Variants in ABRAXAS1 observed in about 807,000 individuals in gnomAD.
The protein encoded by ABRAXAS1 is abraxas 1, BRCA1 A complex subunit.
A neutral mutation model predicts 38.4 loss-of-function variants in ABRAXAS1; 26 were observed. The ratio of observed to expected loss-of-function variants is 0.68; its 90% CI spans 0.50 to 0.94. The LOEUF (loss-of-function observed/expected upper bound fraction) is 0.94, where lower values mean the gene tolerates loss of function less well. Ranked by LOEUF, ABRAXAS1 falls within the 40% of genes least tolerant of loss-of-function variation. The pLI, the probability that ABRAXAS1 is intolerant of heterozygous loss-of-function variation, is 0.00. For synonymous variants in ABRAXAS1, 144 were observed against 165.5 expected, an observed-to-expected ratio of 0.87 and a Z score of 1.00; for missense variants, 438 against 481.9, an observed-to-expected ratio of 0.91 and a Z score of 0.85.
chr4:83,485,023 G>T lies in ABRAXAS1; in HGVS notation c.50C>A (p.Ala17Glu). 1 of 1,596,188 alleles carries T rather than the reference G, an allele frequency of 6.3e-7. No individual in the cohort carries two copies. The highest frequency in any genetic ancestry group is 8.5e-7 in the Non-Finnish European group (1 of 1,172,068). ...CGTGTTGAGGTGCTGGAAAGCGAGT[G>T]CGCCGAGCACAAAGCCCGAGAGCAC... ...SAVLSGFVLG[A>E]LAFQHLNTDS... Residue 17 changes from alanine (A) to glutamate (E), a missense_variant, in exon 1 of 9, where the codon GCA (alanine) becomes GAA (glutamate). Around this residue, in one of 3 missense-constraint regions of ABRAXAS1, gnomAD observed 60 missense variants for 31.1 expected, o/e 1.93. Coordinates refer to ENST00000321945, the MANE Select transcript of ABRAXAS1 (RefSeq NM_139076.3).
chr4:83,467,254 T>C (rs1722398533), intron 7 of ABRAXAS1, 200 bp downstream of exon 7: 3 of 441,976 alleles, frequency 6.8e-6, no homozygotes, highest in Non-Finnish European at 1.2e-5. Flanking sequence ...TAAAAATACA[T>C]ATAGGTTTGT....
chr4:83,481,665 AC>A (rs1723003818), intron 2 of ABRAXAS1, among the ~76,000 whole-genome samples: 1 of 152,148 alleles, frequency 6.6e-6, no homozygotes, highest in Non-Finnish European at 1.5e-5. Context: ...ACTATTTCTT[AC>A]TTTAGACCAG....
Position 83,460,130 on chromosome 4 carries a change from T to C in ABRAXAS1, c.*2339A>G, listed in dbSNP as rs1355519710. The C allele has an allele frequency of 3.4e-5, 6 of 177,462 alleles. No homozygotes were observed. The highest frequency in any genetic ancestry group is 5.8e-5 in the Non-Finnish European group (5 of 85,486). 11.0% of individuals were successfully genotyped at this position (177,462 alleles called of 1,614,324 possible). A position where few individuals can be genotyped will look rare whatever the true frequency, so the allele number is the denominator to read the frequency against. On this transcript the variant is annotated 3_prime_UTR_variant, in exon 9 of 9. Coordinates refer to ENST00000321945, the MANE Select transcript of ABRAXAS1 (RefSeq NM_139076.3). ...GGCCAAATTCGACCTGCTCCCTTTT[T>C]ATCTTGATTAGGTTCATCATATACA... is the stretch of plus-strand genomic sequence containing the variant.
chr4:83,466,086 A>G (rs1722342234), intron 7 of ABRAXAS1, among the ~76,000 whole-genome samples: 1 of 152,152 alleles, frequency 6.6e-6, no homozygotes, highest in African/African-American at 2.4e-5. Flanking sequence ...GTCCATGCCT[A>G]TAGAACAATT....
At position 83,476,644 on chromosome 4, in the gene ABRAXAS1, TA is replaced by T; in HGVS notation, c.213del (p.Phe71LeufsTer10). On this transcript the variant is annotated frameshift_variant and splice_region_variant, in exon 3 of 9. Coordinates refer to ENST00000321945, the MANE Select transcript of ABRAXAS1 (RefSeq NM_139076.3). LOFTEE classifies it high-confidence loss of function. Reference protein sequence around the residue: ...IQKYIPCYQLFSFYNSSGEVN... With the variant: ...IQKYIPCYQLXSFYNSSGEVN... ...TTACTTACTAGCACTACTACTTACC[TA>T]AAAAGCTGATAGCATGGAATATATT... 1.3e-6 allele frequency: 2 copies of T among 1,564,056 alleles called. No homozygotes were observed. The highest frequency in any genetic ancestry group is 1.8e-6 in the Non-Finnish European group (2 of 1,135,768).
At chr4:83,484,126 C>A (rs1723092985) in intron 1 of ABRAXAS1, 1 of 961,658 alleles carries the variant, frequency 1.0e-6, no homozygotes, top group South Asian at 4.8e-5. Flanking sequence ...CCTCGGCTTC[C>A]CAAAGGGCTG....
At position 83,462,628 on chromosome 4, in the gene ABRAXAS1, G is replaced by A. The variant is rs1344715561; in HGVS notation, c.1071C>T (p.Phe357=). ...GTGTATCTAACAACCGAGATCTCTT[G>A]AATTGCCATCTGTCATCTAAGTCTA... The part of the protein sequence containing the change: ...KALDLDDRWQ[F]KRSRLLDTQD... The change falls in exon 9 of 9, where the codon TTC becomes TTT. Residue 357 remains phenylalanine (F), a synonymous_variant. Coordinates refer to ENST00000321945, the MANE Select transcript of ABRAXAS1 (RefSeq NM_139076.3). The A allele has an allele frequency of 6.2e-7, 1 of 1,614,056 alleles. No homozygotes were observed. The highest frequency in any genetic ancestry group is 1.1e-5 in the South Asian group (1 of 91,072).
At chr4:83,481,432 C>T (rs6815010) in intron 2 of ABRAXAS1, among the ~76,000 whole-genome samples, 3,640 of 152,296 alleles carry the variant, frequency 0.024, 137 homozygotes, top group African/African-American at 0.083. Context: ...CCCTTTACAG[C>T]CTGGTCTCTT....
chr4:83,463,347 C>T (rs924546780), intron 8 of ABRAXAS1, 147 bp downstream of exon 8: 33 of 498,246 alleles, frequency 6.6e-5, no homozygotes, highest in Admixed American at 1.6e-4. Context: ...GCAGGAGAAT[C>T]GCTTGACCCC....
intron 1 of ABRAXAS1, 131 bp downstream of exon 1, chr4:83,484,855 A>G: frequency 2.9e-6 from 2 of 690,304 alleles, no homozygotes; most frequent in Non-Finnish European, 4.5e-6. Context: ...GAGAAGGCAG[A>G]GCCGCGACCG....
Position 83,459,599 on chromosome 4 carries a change from T to C in ABRAXAS1, c.*2870A>G. 1 of 675,534 alleles carries C rather than the reference T, an allele frequency of 1.5e-6. No individual in the cohort carries two copies. The highest frequency in any genetic ancestry group is 2.9e-5 in the East Asian group (1 of 34,972). 41.8% of individuals were successfully genotyped at this position (675,534 alleles called of 1,614,324 possible). On this transcript the variant is annotated 3_prime_UTR_variant, in exon 9 of 9. Coordinates refer to ENST00000321945, the MANE Select transcript of ABRAXAS1 (RefSeq NM_139076.3). ...TTAAAAGGTAACAGGAGGATAACAA[T>C]ATTTTTTTCTTATATTTTATGAAAT...
chr4:83,484,301 CT>C, intron 1 of ABRAXAS1: 4 of 732,038 alleles, frequency 5.5e-6, no homozygotes, highest in Non-Finnish European at 6.7e-6. Context: ...GATGCTTAGA[CT>C]TTCTTTCTGC....
chr4:83,466,195 C>A (rs1267977196), intron 7 of ABRAXAS1, among the ~76,000 whole-genome samples: 1 of 152,196 alleles, frequency 6.6e-6, no homozygotes, highest in African/African-American at 2.4e-5. Flanking sequence ...GTCTTCTTAT[C>A]CCCCTCTCCT....
chr4:83,471,191 C>CTTTTTTTTTTTTT (rs869128932), intron 4 of ABRAXAS1, among the ~76,000 whole-genome samples: 3 of 58,200 alleles, frequency 5.2e-5, no homozygotes, highest in Non-Finnish European at 7.6e-5. Context: ...AAAGAAACAT[C>CTTTTTTTTTTTTT]TTTTTTTTTT....
At chr4:83,472,199 AG>A (rs1325011324) in intron 4 of ABRAXAS1, 22 bp downstream of exon 4, 1 of 1,430,094 alleles carries the variant, frequency 7.0e-7, no homozygotes, top group Non-Finnish European at 9.4e-7. Context: ...TACCAAAAAA[AG>A]GGAAGATAAA....
intron 1 of ABRAXAS1, among the ~76,000 whole-genome samples, chr4:83,483,804 C>CT (rs1459380050): frequency 6.6e-6 from 1 of 152,130 alleles, no homozygotes; most frequent in African/African-American, 2.4e-5. Context: ...AGGGGCCTCC[C>CT]TAGCACTCAG....
Position 83,461,952 on chromosome 4 carries a change from C to T in ABRAXAS1, c.*517G>A, listed in dbSNP as rs1722134077. 1 of 229,164 alleles carries T rather than the reference C, an allele frequency of 4.4e-6. No individual in the cohort carries two copies. The highest frequency in any genetic ancestry group is 6.3e-5 in the East Asian group (1 of 15,908). The allele number at this position is 229,164 out of a possible 1,614,324, so 14.2% of individuals were successfully genotyped here. Reference sequence around the variant, plus strand: ...CCAGCATTTTATCTGGCAACTCTAGCCATAATGTACTTCTAAAAAAGTATC... The same window carrying T: ...CCAGCATTTTATCTGGCAACTCTAGTCATAATGTACTTCTAAAAAAGTATC... On this transcript the variant is annotated 3_prime_UTR_variant, in exon 9 of 9. Transcript: ENST00000321945.
rs565333571 is a variant in ABRAXAS1 at position 83,470,865 on chromosome 4, C to T, written c.283-469G>A. 1.5e-3 allele frequency among the ~76,000 whole-genome samples: 228 copies of T among 152,198 alleles called. 3 individuals are homozygous for T. In the South Asian group the frequency reaches 0.02, roughly 13 times the overall value. ...TTTTATGGGAATGATATCACCTACCCGACAAACTTGGCTTCAAGATTAAGA... is the reference window on the plus strand; with the variant it reads ...TTTTATGGGAATGATATCACCTACCTGACAAACTTGGCTTCAAGATTAAGA... On this transcript the variant is annotated intron_variant, in intron 4 of 8. Coordinates refer to ENST00000321945, the MANE Select transcript of ABRAXAS1 (RefSeq NM_139076.3).
In ABRAXAS1 at chr4:83,462,614, A is replaced by C. The variant is rs1372280058; in HGVS notation, c.1085T>G (p.Leu362Trp). 6.2e-7 allele frequency: 1 copy of C among 1,614,136 alleles called. No homozygotes were observed. ...AGATCGTTTGTCTTGTGTATCTAAC[A>C]ACCGAGATCTCTTGAATTGCCATCT... Reference protein sequence around the residue: ...DDRWQFKRSRLLDTQDKRSKA... With the variant: ...DDRWQFKRSRWLDTQDKRSKA... The change falls in exon 9 of 9, where the codon TTG (leucine) becomes TGG (tryptophan). Residue 362 changes from leucine (L) to tryptophan (W), a missense_variant. Leu to Trp is a moderately conservative substitution (Grantham distance 61). Coordinates refer to ENST00000321945, the MANE Select transcript of ABRAXAS1 (RefSeq NM_139076.3).
Sources: allele counts gnomAD v4.1 joint callset (sites outside exome capture counted in the v4.1 genomes callset), GRCh38; gene constraint gnomAD v4.1.1; regional missense constraint gnomAD v4.1.1; transcripts MANE v1.5; gene names NCBI Gene and HGNC (gene_info 2026-07-23, HGNC 2026-07-21).